ARHGAP26: variants seen among roughly 807,000 people sequenced by gnomAD.
ARHGAP26 encodes the protein Rho GTPase activating protein 26.
A neutral mutation model predicts 104.8 loss-of-function variants in ARHGAP26; 38 were observed. That is an observed-to-expected ratio of 0.36 (90% confidence interval 0.28 to 0.48). The LOEUF (loss-of-function observed/expected upper bound fraction) is 0.48. Ranked by LOEUF, ARHGAP26 falls within the 20% of genes least tolerant of loss-of-function variation. The pLI is 0.99. For synonymous variants in ARHGAP26, 341 were observed against 340.0 expected (o/e 1.00, Z -0.03); for missense variants, 704 against 947.9 (o/e 0.74, Z 3.38).
chr5:143,053,875 C>G (rs1785394798), intron 14 of ARHGAP26, among the ~76,000 whole-genome samples: 1 of 151,992 alleles, frequency 6.6e-6, no homozygotes, highest in African/African-American at 2.4e-5. Context: ...TTTTATTTGA[C>G]ATTATATAAT....
intron 1 of ARHGAP26, among the ~76,000 whole-genome samples, chr5:142,846,059 A>G (rs1169574689): frequency 6.6e-6 from 1 of 152,068 alleles, no homozygotes; most frequent in Non-Finnish European, 1.5e-5. Flanking sequence ...CTGGCTACCT[A>G]AGGTATCCAT....
chr5:143,052,553 A>G (rs1785193431), intron 14 of ARHGAP26, among the ~76,000 whole-genome samples: 1 of 152,102 alleles, frequency 6.6e-6, no homozygotes, highest in Admixed American at 6.5e-5. Flanking sequence ...TTTATTGCTC[A>G]GTGTCACCTG....
At chr5:142,919,780 T>C (rs1323601780) in intron 10 of ARHGAP26, among the ~76,000 whole-genome samples, 3 of 152,206 alleles carry the variant, frequency 2.0e-5, no homozygotes, top group Non-Finnish European at 4.4e-5. Context: ...GTGGATCATT[T>C]GAGCTCAGGA....
chr5:142,949,968 T>G (rs542029161), intron 11 of ARHGAP26, among the ~76,000 whole-genome samples: 9 of 152,234 alleles, frequency 5.9e-5, no homozygotes, highest in Admixed American at 1.3e-4. Flanking sequence ...TGGAGGAGGT[T>G]GCTTTGTTCT....
Position 142,858,827 on chromosome 5 carries a change from A to T in ARHGAP26, c.155-14573A>T, listed in dbSNP as rs35776414. ...TGGGGTGGATAGGGAATGCGAGGAG[A>T]CTGCTTCCCTGAGGAAGTGACCCTT... is the stretch of plus-strand genomic sequence containing the variant. On this transcript the variant is annotated intron_variant, in intron 1 of 22. Coordinates refer to ENST00000645722, the MANE Select transcript of ARHGAP26 (RefSeq NM_001135608.3). 1.6e-3 allele frequency among the ~76,000 whole-genome samples: 249 copies of T among 152,182 alleles called. 2 individuals are homozygous for T. Among genetic ancestry groups the T allele is most frequent in the African/African-American group, 5.7e-3 (238 of 41,504 alleles).
chr5:143,040,712 A>G (rs1245318237), intron 13 of ARHGAP26, among the ~76,000 whole-genome samples: 1 of 152,254 alleles, frequency 6.6e-6, no homozygotes, highest in East Asian at 1.9e-4. Context: ...CTGAATGATG[A>G]AAAGCTCTGG....
intron 6 of ARHGAP26, among the ~76,000 whole-genome samples, chr5:142,898,367 T>C (rs1759783941): frequency 6.6e-6 from 1 of 152,176 alleles, no homozygotes; most frequent in Non-Finnish European, 1.5e-5. Context: ...ATTCCCTCTG[T>C]TGCCTGAGTT....
chr5:143,099,529 A>G (rs936181795), intron 17 of ARHGAP26, among the ~76,000 whole-genome samples: 1 of 152,198 alleles, frequency 6.6e-6, no homozygotes, highest in Non-Finnish European at 1.5e-5. Flanking sequence ...TCAATAGGGA[A>G]TTTATTTTTC....
chr5:143,017,242 G>A (rs1421368472), intron 12 of ARHGAP26, among the ~76,000 whole-genome samples: 2 of 152,334 alleles, frequency 1.3e-5, no homozygotes, highest in African/African-American at 2.4e-5. Context: ...TTCTGAATTC[G>A]TTTGCTTTCA....
intron 12 of ARHGAP26, among the ~76,000 whole-genome samples, chr5:143,031,881 C>G (rs1245489728): frequency 1.3e-5 from 2 of 152,032 alleles, no homozygotes; most frequent in African/African-American, 2.4e-5. Flanking sequence ...TAGAGTTGTT[C>G]TTTTAATCCT....
At chr5:143,040,859 T>C (rs529563241) in intron 13 of ARHGAP26, among the ~76,000 whole-genome samples, 2 of 152,336 alleles carry the variant, frequency 1.3e-5, no homozygotes, top group East Asian at 3.9e-4. Context: ...TCAGAGGTAG[T>C]CAGTGCTCGA....
chr5:142,787,995 C>CTTTTCTT (rs1759009076), intron 1 of ARHGAP26, among the ~76,000 whole-genome samples: 1 of 132,860 alleles, frequency 7.5e-6, no homozygotes, highest in African/African-American at 2.8e-5. Context: ...TTAACCAATT[C>CTTTTCTT]TTTTTTTTTT....
intron 18 of ARHGAP26, among the ~76,000 whole-genome samples, chr5:143,128,469 T>G (rs1444944073): frequency 1.3e-5 from 2 of 152,196 alleles, no homozygotes; most frequent in African/African-American, 2.4e-5. Flanking sequence ...AAATTGTTGA[T>G]CCCTCTGCCA....
chr5:143,047,265 G>T (rs1166282122), intron 14 of ARHGAP26, among the ~76,000 whole-genome samples: 2 of 152,282 alleles, frequency 1.3e-5, no homozygotes, highest in Non-Finnish European at 2.9e-5. Context: ...TTTGAGATTA[G>T]ACAAGTTACA....
chr5:142,865,252 A>G (rs988497916), intron 1 of ARHGAP26, among the ~76,000 whole-genome samples: 4 of 152,196 alleles, frequency 2.6e-5, no homozygotes, highest in African/African-American at 9.7e-5. Flanking sequence ...TCATTGATCC[A>G]GTAAATGTTT....
intron 11 of ARHGAP26, among the ~76,000 whole-genome samples, chr5:142,953,558 C>T (rs779588556): frequency 3.9e-5 from 6 of 152,174 alleles, no homozygotes; most frequent in South Asian, 2.1e-4. Context: ...GTTTCACCAC[C>T]TTCTTCCTTT....
chr5:142,885,156 G>C (rs1487298554), intron 4 of ARHGAP26, 142 bp from the exon 5 acceptor site: 1 of 646,186 alleles, frequency 1.5e-6, no homozygotes, highest in East Asian at 3.0e-5. Flanking sequence ...ATGGGTGGCT[G>C]CAGGATTTAA....
At chr5:143,129,726 A>G (rs1011807715) in intron 18 of ARHGAP26, among the ~76,000 whole-genome samples, 1 of 152,228 alleles carries the variant, frequency 6.6e-6, no homozygotes, top group Non-Finnish European at 1.5e-5. Flanking sequence ...ATCCATGTAA[A>G]TAACTGAGCA....
At chr5:142,967,403 C>T (rs1771552934) in intron 11 of ARHGAP26, among the ~76,000 whole-genome samples, 1 of 152,304 alleles carries the variant, frequency 6.6e-6, no homozygotes, top group Non-Finnish European at 1.5e-5. Flanking sequence ...TAACCTAGCA[C>T]CTAGCACAAT....
Sources: allele counts gnomAD v4.1 joint callset (sites outside exome capture counted in the v4.1 genomes callset), GRCh38; gene constraint gnomAD v4.1.1; transcripts MANE v1.5; gene names NCBI Gene and HGNC (gene_info 2026-07-23, HGNC 2026-07-21).